The following RNF220 variants were observed in gnomAD, a reference collection of about 807,000 sequenced individuals.
RNF220 encodes the protein ring finger protein 220.
Under a neutral mutation model 67.1 loss-of-function variants are expected in RNF220, and 7 were observed. The observed-to-expected ratio is 0.10, with a 90% confidence interval of 0.06 to 0.20. The LOEUF (loss-of-function observed/expected upper bound fraction) is 0.20. RNF220 is among the 10% of genes least tolerant of loss of function. The pLI is 1.00. For missense variants in RNF220, 565 were observed against 740.3 expected, an observed-to-expected ratio of 0.76 and a Z score of 2.75; for synonymous variants, 270 against 283.2, an observed-to-expected ratio of 0.95 and a Z score of 0.47.
At position 44,651,025 on chromosome 1, in the gene RNF220, T is replaced by C; in HGVS notation, c.*250T>C. ...GGGGCCATACCTGTTCCAGCTCTGT[T>C]CCCAGGGTGGGGCAGGGAGGTGGGG... On this transcript the variant is annotated 3_prime_UTR_variant, in exon 15 of 15. Coordinates refer to ENST00000361799, the MANE Select transcript of RNF220 (RefSeq NM_018150.4). The C allele has an allele frequency of 4.1e-6, 2 of 483,142 alleles. No homozygotes were observed. Among genetic ancestry groups the C allele is most frequent in the Non-Finnish European group, 7.7e-6 (2 of 261,316 alleles). The allele number at this position is 483,142 out of a possible 1,614,324, so 29.9% of individuals were successfully genotyped here. A position where few individuals can be genotyped will look rare whatever the true frequency, so the allele number is the denominator to read the frequency against.
Position 44,638,442 on chromosome 1 carries a change from C to T in RNF220, c.1126+2280C>T, listed in dbSNP as rs529333792. 2.6e-5 allele frequency: 4 copies of T among 152,354 alleles called. No individual in the cohort carries two copies. In the East Asian group the frequency reaches 7.7e-4, roughly 29 times the overall value. 9.4% of individuals were successfully genotyped at this position (152,354 alleles called of 1,614,324 possible). ...CGAGTGGCGAGGCCCATTTAAACTGCGCTGTGCGTGCTGACAGAACAGAGA... is the reference window on the plus strand; with the variant it reads ...CGAGTGGCGAGGCCCATTTAAACTGTGCTGTGCGTGCTGACAGAACAGAGA... On this transcript the variant is annotated intron_variant, in intron 8 of 14. Coordinates refer to ENST00000361799, the MANE Select transcript of RNF220 (RefSeq NM_018150.4).
chr1:44,585,965 C>T (rs1282107586), intron 2 of RNF220, among the ~76,000 whole-genome samples: 1 of 152,200 alleles, frequency 6.6e-6, no homozygotes, highest in Non-Finnish European at 1.5e-5. Flanking sequence ...AAAACCTTCA[C>T]TCTCTGTTGT....
intron 2 of RNF220, among the ~76,000 whole-genome samples, chr1:44,503,353 A>AAG (rs1246065410): frequency 6.6e-6 from 1 of 151,538 alleles, no homozygotes; most frequent in Non-Finnish European, 1.5e-5. Context: ...AAAAAAAAAA[A>AAG]AAGAAGCGTT....
intron 2 of RNF220, among the ~76,000 whole-genome samples, chr1:44,413,566 T>C (rs1648216620): frequency 6.6e-6 from 1 of 152,242 alleles, no homozygotes; most frequent in Non-Finnish European, 1.5e-5. Flanking sequence ...TGCTCTAATA[T>C]AATCAGAAAA....
intron 2 of RNF220, among the ~76,000 whole-genome samples, chr1:44,504,092 C>G (rs1410177082): frequency 6.6e-6 from 1 of 152,124 alleles, no homozygotes; most frequent in Non-Finnish European, 1.5e-5. Flanking sequence ...TTGTGATCCA[C>G]CTGCCTCAGC....
intron 2 of RNF220, among the ~76,000 whole-genome samples, chr1:44,510,408 G>A (rs1051097605): frequency 1.6e-4 from 25 of 152,232 alleles, no homozygotes; most frequent in African/African-American, 6.0e-4. Context: ...TCCTTGTCTT[G>A]TATTTCATGC....
At chr1:44,602,679 T>C (rs1667005382) in intron 2 of RNF220, among the ~76,000 whole-genome samples, 1 of 151,952 alleles carries the variant, frequency 6.6e-6, no homozygotes, top group Admixed American at 6.6e-5. Flanking sequence ...ATACCGCTCA[T>C]CTCATCCATC....
At chr1:44,474,663 C>T (rs558348570) in intron 2 of RNF220, among the ~76,000 whole-genome samples, 12 of 151,808 alleles carry the variant, frequency 7.9e-5, no homozygotes, top group African/African-American at 2.9e-4. Context: ...GAGCTATGAT[C>T]ACACCATCGC....
chr1:44,480,522 G>A (rs1364508904), intron 2 of RNF220, among the ~76,000 whole-genome samples: 2 of 152,150 alleles, frequency 1.3e-5, no homozygotes, highest in African/African-American at 4.8e-5. Context: ...AACATTTAAA[G>A]ATGTGGTAGA....
intron 3 of RNF220, among the ~76,000 whole-genome samples, chr1:44,619,766 C>G (rs143021154): frequency 6.6e-6 from 1 of 152,110 alleles, no homozygotes; most frequent in Non-Finnish European, 1.5e-5. Context: ...CCTACAGCTG[C>G]GGACCTCAGA....
At chr1:44,424,669 G>T (rs1649566043) in intron 2 of RNF220, among the ~76,000 whole-genome samples, 1 of 152,154 alleles carries the variant, frequency 6.6e-6, no homozygotes, top group South Asian at 2.1e-4. Context: ...TCTTGGGGAG[G>T]ATCTGTCCAC....
rs116819372 is a variant in RNF220 at position 44,480,343 on chromosome 1, G to A, written c.625+67621G>A. Among the ~76,000 whole-genome samples the A allele has an allele frequency of 7.7e-3, 1,171 of 152,270 alleles. 13 individuals carry two copies. The highest frequency in any genetic ancestry group is 0.027 in the African/African-American group (1,116 of 41,540). ...GAACGCTTGAGCCTGGGACGTAAAGGCTGTGGTGAGCCCTGATCGTGCCAC... is the reference window on the plus strand; with the variant it reads ...GAACGCTTGAGCCTGGGACGTAAAGACTGTGGTGAGCCCTGATCGTGCCAC... On this transcript the variant is annotated intron_variant, in intron 2 of 14. Coordinates refer to ENST00000361799, the MANE Select transcript of RNF220 (RefSeq NM_018150.4).
rs1425477363 is a variant in RNF220, at chr1:44,620,006, G to A, written c.759-2736G>A. On this transcript the variant is annotated intron_variant, in intron 3 of 14. Coordinates refer to ENST00000361799, the MANE Select transcript of RNF220 (RefSeq NM_018150.4). ...ATGACAGGCTGGGCATTCTGACCCTGAATGTCCCTGTTTCTGTTCACCAGC... is the reference window on the plus strand; with the variant it reads ...ATGACAGGCTGGGCATTCTGACCCTAAATGTCCCTGTTTCTGTTCACCAGC... Among the ~76,000 whole-genome samples, 3 of 152,210 alleles carry A rather than the reference G, an allele frequency of 2.0e-5. No individual in the cohort carries two copies. In the East Asian group the frequency reaches 5.8e-4, roughly 29 times the overall value.
intron 2 of RNF220, among the ~76,000 whole-genome samples, chr1:44,533,669 A>G (rs1166294203): frequency 6.6e-6 from 1 of 152,226 alleles, no homozygotes; most frequent in Non-Finnish European, 1.5e-5. Context: ...GACATGAGAT[A>G]GAAGTACAGG....
At chr1:44,473,929 G>A (rs184267795) in intron 2 of RNF220, among the ~76,000 whole-genome samples, 6 of 152,180 alleles carry the variant, frequency 3.9e-5, no homozygotes, top group East Asian at 1.9e-4. Flanking sequence ...TAACTCAGCT[G>A]TACTTGTTTC....
At chr1:44,425,350 C>T (rs1649650587) in intron 2 of RNF220, among the ~76,000 whole-genome samples, 1 of 152,176 alleles carries the variant, frequency 6.6e-6, no homozygotes, top group East Asian at 1.9e-4. Flanking sequence ...CCCTATGTGA[C>T]TCCATCTAGC....
At chr1:44,577,341 C>A (rs1048318823) in intron 2 of RNF220, among the ~76,000 whole-genome samples, 126 of 147,706 alleles carry the variant, frequency 8.5e-4, no homozygotes, top group African/African-American at 3.2e-3. Flanking sequence ...TCTCCCCTCT[C>A]CCCACTGCCA....
intron 2 of RNF220, among the ~76,000 whole-genome samples, chr1:44,510,745 G>A (rs1054616122): frequency 1.8e-4 from 28 of 152,154 alleles, no homozygotes; most frequent in Non-Finnish European, 3.5e-4. Flanking sequence ...CAGTCGTTAC[G>A]CACTGTGAGC....
At chr1:44,556,523 G>A (rs1663094186) in intron 2 of RNF220, among the ~76,000 whole-genome samples, 1 of 149,274 alleles carries the variant, frequency 6.7e-6, no homozygotes, top group African/African-American at 2.5e-5. Flanking sequence ...CCTATTTAGG[G>A]TATCTCCTTC....
Sources: allele counts gnomAD v4.1 joint callset (sites outside exome capture counted in the v4.1 genomes callset), GRCh38; gene constraint gnomAD v4.1.1; transcripts MANE v1.5; gene names NCBI Gene and HGNC (gene_info 2026-07-23, HGNC 2026-07-21).